ZBTB10: variants seen among roughly 807,000 people sequenced by gnomAD.
The protein encoded by ZBTB10 is zinc finger and BTB domain-containing protein 10.
ZBTB10 carries 32 observed loss-of-function variants against 76.4 expected under a neutral mutation model. The ratio of observed to expected loss-of-function variants is 0.42; its 90% CI spans 0.32 to 0.56. ZBTB10 has a LOEUF of 0.56. Ranked by LOEUF, ZBTB10 falls within the 20% of genes least tolerant of loss-of-function variation. The pLI, the probability that ZBTB10 is intolerant of heterozygous loss-of-function variation, is 0.14. For synonymous variants in ZBTB10, 523 were observed against 432.9 expected, an observed-to-expected ratio of 1.21 and a Z score of -2.58; for missense variants, 1,057 against 1,098.5, an observed-to-expected ratio of 0.96 and a Z score of 0.53.
chr8:80,509,777 G>A (rs1191987308), intron 2 of ZBTB10, among the ~76,000 whole-genome samples: 1 of 152,018 alleles, frequency 6.6e-6, no homozygotes, highest in African/African-American at 2.4e-5. Flanking sequence ...AAAATCTATG[G>A]TAATATTTTC....
intron 1 of ZBTB10, among the ~76,000 whole-genome samples, chr8:80,495,720 T>C (rs1815766492): frequency 6.6e-6 from 1 of 152,210 alleles, no homozygotes; most frequent in Middle Eastern, 3.2e-3. Context: ...TTTCAAGCAT[T>C]TTCCTTTGAG....
Position 80,500,301 on chromosome 8 carries a change from A to C in ZBTB10, c.1780A>C (p.Thr594Pro). 1.3e-6 allele frequency: 2 copies of C among 1,580,050 alleles called. No individual in the cohort carries two copies. Among genetic ancestry groups the C allele is most frequent in the Non-Finnish European group, 1.7e-6 (2 of 1,162,210 alleles). Reference protein sequence around the residue: ...FIYNIPPNNETNLEDCSVMQP... With the variant: ...FIYNIPPNNEPNLEDCSVMQP... ...TTATAATATTCCACCTAATAATGAA[A>C]CGAATTTAGAAGATTGCTCAGTAAT... The change falls in exon 2 of 6, where the codon ACG becomes CCG. Residue 594 changes from threonine to proline, a missense_variant. Around this residue, in one of 5 missense-constraint regions of ZBTB10, gnomAD observed 306 missense variants for 297.5 expected, o/e 1.03. Transcript: ENST00000455036.
chr8:80,519,533 C>A lies in ZBTB10; in HGVS notation c.*5C>A. ...TGTATGTCTCTAGATGATTAACTGA[C>A]CTACTATACTCCTCAAGGATGCTGC... On this transcript the variant is annotated 3_prime_UTR_variant, in exon 6 of 6. Transcript: ENST00000455036. 1 of 1,603,032 alleles carries A rather than the reference C, an allele frequency of 6.2e-7. No homozygotes were observed. Among genetic ancestry groups the A allele is most frequent in the South Asian group, 1.1e-5 (1 of 88,830 alleles).
At position 80,487,405 on chromosome 8, in the gene ZBTB10, G is replaced by A; in HGVS notation, c.595G>A (p.Ala199Thr). The A allele has an allele frequency of 1.3e-6, 2 of 1,537,852 alleles. No homozygotes were observed. Among genetic ancestry groups the A allele is most frequent in the Non-Finnish European group, 1.8e-6 (2 of 1,139,352 alleles). Residue 199 changes from alanine (A) to threonine (T), a missense_variant, in exon 1 of 6, where the codon GCG becomes ACG. Transcript: ENST00000455036. The stretch of plus-strand genomic sequence containing the variant: ...GGCGAGCCTGGGCGACGGCAGCGGG[G>A]CGGAAGGCGGCAGCTGCAGCAGCAG... ...EGASLGDGSG[A>T]EGGSCSSSRR... is the part of the protein sequence containing the mutation.
intron 2 of ZBTB10, among the ~76,000 whole-genome samples, chr8:80,508,699 G>A (rs375908708): frequency 7.2e-5 from 11 of 152,128 alleles, no homozygotes; most frequent in South Asian, 2.1e-4. Flanking sequence ...AAGAGCATTC[G>A]TTGACTTGCA....
Position 80,513,964 on chromosome 8 carries a change from A to C in ZBTB10, c.1916A>C (p.Asn639Thr), listed in dbSNP as rs1288364144. Residue 639 changes from asparagine (N) to threonine (T), a missense_variant, in exon 3 of 6, where the codon AAT (asparagine) becomes ACT (threonine). Asn to Thr is a moderately conservative substitution (Grantham distance 65). This residue lies in a region of ZBTB10 where 306 missense variants were observed against 297.5 expected (regional missense o/e 1.03). Transcript: ENST00000455036. ...GPDGDRNVNA[N>T]LLAEAGTSQD... ...GATGGTGATAGGAATGTGAATGCAA[A>C]TTTATTGGCTGAAGCTGGCACTAGT... is the stretch of plus-strand genomic sequence containing the variant. 1.2e-6 allele frequency: 2 copies of C among 1,613,610 alleles called. No homozygotes were observed. Among genetic ancestry groups the C allele is most frequent in the Non-Finnish European group, 1.7e-6 (2 of 1,179,694 alleles).
rs1388211927 is a variant in ZBTB10, at chr8:80,521,590, C to G, written c.*2062C>G. 6.6e-6 allele frequency: 1 copy of G among 151,766 alleles called. No homozygotes were observed. Among genetic ancestry groups the G allele is most frequent in the Non-Finnish European group, 1.5e-5 (1 of 67,758 alleles). 9.4% of individuals were successfully genotyped at this position (151,766 alleles called of 1,614,324 possible). A position where few individuals can be genotyped will look rare whatever the true frequency, so the allele number is the denominator to read the frequency against. On this transcript the variant is annotated 3_prime_UTR_variant, in exon 6 of 6. Coordinates refer to ENST00000455036, the MANE Select transcript of ZBTB10 (RefSeq NM_001105539.3). ...ATCTGCTTTATTAGACTACAGTTCACTTATTGCATAGAAACTGGACTTGGC... is the reference window on the plus strand; with the variant it reads ...ATCTGCTTTATTAGACTACAGTTCAGTTATTGCATAGAAACTGGACTTGGC...
chr8:80,511,895 C>G (rs1330724464), intron 2 of ZBTB10, among the ~76,000 whole-genome samples: 1 of 152,028 alleles, frequency 6.6e-6, no homozygotes, highest in African/African-American at 2.4e-5. Flanking sequence ...GCTTGAAGCC[C>G]CACCATGCAT....
chr8:80,492,165 T>C (rs1229785030), intron 1 of ZBTB10, among the ~76,000 whole-genome samples: 1 of 152,234 alleles, frequency 6.6e-6, no homozygotes, highest in African/African-American at 2.4e-5. Context: ...CGTTGTTTCT[T>C]ATTTATATAT....
rs1441360237 is a variant in ZBTB10, at chr8:80,487,532, C to T, written c.722C>T (p.Ser241Phe). The T allele has an allele frequency of 2.5e-6, 4 of 1,583,176 alleles. No individual in the cohort carries two copies. The highest frequency in any genetic ancestry group is 3.7e-5 in the Admixed American group (2 of 53,988). ...CACTTCCCGCTCGCGCGGCCCAAGT[C>T]TCTAATGCAGAAGCTCCAATGCTCC... is the stretch of plus-strand genomic sequence containing the variant. ...VQHFPLARPKSLMQKLQCSFQ... is the reference protein window; with the variant it reads ...VQHFPLARPKFLMQKLQCSFQ... Residue 241 changes from serine (S) to phenylalanine (F), a missense_variant, in exon 1 of 6, where the codon TCT becomes TTT. Ser to Phe is a radical substitution (Grantham distance 155). Coordinates refer to ENST00000455036, the MANE Select transcript of ZBTB10 (RefSeq NM_001105539.3).
Position 80,500,122 on chromosome 8 carries a change from A to C in ZBTB10, c.1601A>C (p.Asn534Thr). 6.2e-7 allele frequency: 1 copy of C among 1,613,972 alleles called. No individual in the cohort carries two copies. The highest frequency in any genetic ancestry group is 8.5e-7 in the Non-Finnish European group (1 of 1,179,868). Residue 534 changes from asparagine to threonine, a missense_variant, in exon 2 of 6, where the codon AAT becomes ACT. Asn to Thr is a moderately conservative substitution (Grantham distance 65, BLOSUM62 0). Around this residue, in one of 5 missense-constraint regions of ZBTB10, gnomAD observed 306 missense variants for 297.5 expected, o/e 1.03. Coordinates refer to ENST00000455036, the MANE Select transcript of ZBTB10 (RefSeq NM_001105539.3). ...GGCCAAATAGAAAACTACCAAATGA[A>C]TGACAGTAGTTGGGTCCAGGATGGA... is the stretch of plus-strand genomic sequence containing the variant. ...DEGQIENYQM[N>T]DSSWVQDGSP...
At position 80,525,955 on chromosome 8, in the gene ZBTB10, G is replaced by A. The variant is rs1035121144; in HGVS notation, c.*6427G>A. On this transcript the variant is annotated 3_prime_UTR_variant, in exon 6 of 6. Coordinates refer to ENST00000455036, the MANE Select transcript of ZBTB10 (RefSeq NM_001105539.3). ...ACTGAGCCTTTGGGATCCTTTCCCT[G>A]GATACATAACCCTAGTAGATAATGT... The A allele has an allele frequency of 1.1e-4, 16 of 152,080 alleles. No individual in the cohort carries two copies. The highest frequency in any genetic ancestry group is 3.9e-4 in the African/African-American group (16 of 41,388). The allele number at this position is 152,080 out of a possible 1,614,324, so 9.4% of individuals were successfully genotyped here.
Position 80,524,521 on chromosome 8 carries a change from A to G in ZBTB10, c.*4993A>G, listed in dbSNP as rs1816512230. On this transcript the variant is annotated 3_prime_UTR_variant, in exon 6 of 6. Coordinates refer to ENST00000455036, the MANE Select transcript of ZBTB10 (RefSeq NM_001105539.3). ...AGTCTTTGAAACTTTATTAATGTAG[A>G]GAAAACATAACTAGCTTTTTAGGTT... is the stretch of plus-strand genomic sequence containing the variant. 2 of 152,132 alleles carry G rather than the reference A, an allele frequency of 1.3e-5. No homozygotes were observed. The highest frequency in any genetic ancestry group is 2.9e-5 in the Non-Finnish European group (2 of 67,970). The allele number at this position is 152,132 out of a possible 1,614,324, so 9.4% of individuals were successfully genotyped here. A position where few individuals can be genotyped will look rare whatever the true frequency, so the allele number is the denominator to read the frequency against.
rs1288151965 is a variant in ZBTB10 at position 80,486,797 on chromosome 8, C to T, written c.-14C>T. 1.0e-5 allele frequency: 14 copies of T among 1,405,940 alleles called. No homozygotes were observed. The highest frequency in any genetic ancestry group is 1.5e-5 in the South Asian group (1 of 64,540). 87.1% of individuals were successfully genotyped at this position (1,405,940 alleles called of 1,614,324 possible). On this transcript the variant is annotated 5_prime_UTR_variant, in exon 1 of 6. Coordinates refer to ENST00000455036, the MANE Select transcript of ZBTB10 (RefSeq NM_001105539.3). Reference sequence around the variant, plus strand: ...GAGCCGGGGCACCGGGCGGCGGCGGCGGCGGCGCGCGCCATGTCGTTCAGT... The same window carrying T: ...GAGCCGGGGCACCGGGCGGCGGCGGTGGCGGCGCGCGCCATGTCGTTCAGT...
At position 80,486,842 on chromosome 8, in the gene ZBTB10, T is replaced by G; in HGVS notation, c.32T>G (p.Leu11Arg). The change falls in exon 1 of 6, where the codon CTG becomes CGG. Residue 11 changes from leucine to arginine, a missense_variant. Physicochemically the swap from Leu to Arg is moderately radical, Grantham distance 102. Coordinates refer to ENST00000455036, the MANE Select transcript of ZBTB10 (RefSeq NM_001105539.3). The part of the protein sequence containing the change: MSFSEMNRRT[L>R]AFRGGGLVTA... ...TTCAGTGAAATGAACCGCAGGACGC[T>G]GGCGTTCCGAGGAGGCGGGTTGGTC... 6.6e-7 allele frequency: 1 copy of G among 1,504,458 alleles called. No individual in the cohort carries two copies. Among genetic ancestry groups the G allele is most frequent in the Non-Finnish European group, 8.9e-7 (1 of 1,128,822 alleles). 93.2% of individuals were successfully genotyped at this position (1,504,458 alleles called of 1,614,324 possible).
chr8:80,503,831 G>C (rs1364469848), intron 2 of ZBTB10, among the ~76,000 whole-genome samples: 1 of 152,168 alleles, frequency 6.6e-6, no homozygotes, highest in African/African-American at 2.4e-5. Flanking sequence ...GCCTGGAATA[G>C]TATAATTTAA....
rs1816426412 is a variant in ZBTB10, at chr8:80,520,511, A to G, written c.*983A>G. 6.6e-6 allele frequency: 1 copy of G among 152,514 alleles called. No homozygotes were observed. The highest frequency in any genetic ancestry group is 1.5e-5 in the Non-Finnish European group (1 of 67,940). 9.4% of individuals were successfully genotyped at this position (152,514 alleles called of 1,614,324 possible). A position where few individuals can be genotyped will look rare whatever the true frequency, so the allele number is the denominator to read the frequency against. Reference sequence around the variant, plus strand: ...AAATGATTTGTTTTATAATTTATCCACCATGTCCAGTTTGGTTAGCTTGTT... The same window carrying G: ...AAATGATTTGTTTTATAATTTATCCGCCATGTCCAGTTTGGTTAGCTTGTT... On this transcript the variant is annotated 3_prime_UTR_variant, in exon 6 of 6. Transcript: ENST00000455036.
chr8:80,519,208 T>TC lies in ZBTB10; in HGVS notation c.2311-10dup. 1 of 1,607,254 alleles carries TC rather than the reference T, an allele frequency of 6.2e-7. No homozygotes were observed. The highest frequency in any genetic ancestry group is 1.1e-5 in the South Asian group (1 of 90,428). On this transcript the variant is annotated splice_polypyrimidine_tract_variant and intron_variant, in intron 5 of 5. Coordinates refer to ENST00000455036, the MANE Select transcript of ZBTB10 (RefSeq NM_001105539.3). ...TATAATATCCTTATATTGGATTTTT[T>TC]CCCCCTCCAATTAGGTGCATAAAAA...
At chr8:80,501,364 A>G (rs117154986) in intron 2 of ZBTB10, among the ~76,000 whole-genome samples, 2,260 of 152,332 alleles carry the variant, frequency 0.015, 17 homozygotes, top group Middle Eastern at 0.027. Flanking sequence ...ACCATTGTTA[A>G]GTCTTTAGTT....
Sources: allele counts gnomAD v4.1 joint callset (sites outside exome capture counted in the v4.1 genomes callset), GRCh38; gene constraint gnomAD v4.1.1; regional missense constraint gnomAD v4.1.1; transcripts MANE v1.5; gene names NCBI Gene and HGNC (gene_info 2026-07-23, HGNC 2026-07-21).